DIPK1A: variants seen among roughly 807,000 people sequenced by gnomAD.
DIPK1A encodes the protein divergent protein kinase domain 1A.
DIPK1A carries 27 observed loss-of-function variants against 40.8 expected under a neutral mutation model. The ratio of observed to expected loss-of-function variants is 0.66; its 90% CI spans 0.49 to 0.91. The LOEUF (loss-of-function observed/expected upper bound fraction) is 0.91. Among genes scored for constraint, DIPK1A ranks in the 40% least tolerant of loss-of-function variants. The pLI is 0.00. For synonymous variants in DIPK1A, 166 were observed against 171.3 expected, an observed-to-expected ratio of 0.97 and a Z score of 0.24; for missense variants, 412 against 505.7, an observed-to-expected ratio of 0.81 and a Z score of 1.78.
In DIPK1A at chr1:92,851,542, C is replaced by CAAAAAAAAAAA. The variant is rs59664439; in HGVS notation, c.190-598_190-588dup. Among the ~76,000 whole-genome samples the CAAAAAAAAAAA allele has an allele frequency of 1.3e-3, 44 of 34,746 alleles. 3 individuals carry two copies. The highest frequency in any genetic ancestry group is 5.6e-3 in the South Asian group (2 of 356). 22.8% of individuals were successfully genotyped at this position (34,746 alleles called of 152,430 possible). A position where few individuals can be genotyped will look rare whatever the true frequency, so the allele number is the denominator to read the frequency against. ...TGGGTGAGAGAGTGAGACCCTATCT[C>CAAAAAAAAAAA]AAAAAAAAAAAAAAAAAAAACTTCT... On this transcript the variant is annotated intron_variant, in intron 2 of 4. Transcript: ENST00000370310.
chr1:92,866,952 AAAT>A (rs1292747440), intron 2 of DIPK1A, among the ~76,000 whole-genome samples: 1 of 152,168 alleles, frequency 6.6e-6, no homozygotes, highest in Non-Finnish European at 1.5e-5. Context: ...ACACCTGATT[AAAT>A]AATGTGTGTG....
At chr1:92,961,252 G>T (rs1218418755) in intron 1 of DIPK1A, 124 bp downstream of exon 1, 2 of 511,612 alleles carry the variant, frequency 3.9e-6, no homozygotes, top group African/African-American at 2.1e-5. Context: ...ACGGCAGGGG[G>T]CAGCGGGGTT....
chr1:92,908,361 G>T (rs545318569), intron 1 of DIPK1A, among the ~76,000 whole-genome samples: 1 of 152,282 alleles, frequency 6.6e-6, no homozygotes, highest in South Asian at 2.1e-4. Context: ...AAGACAAGCT[G>T]ATAAAAGAGA....
chr1:92,846,400 T>C (rs746583392), intron 4 of DIPK1A, among the ~76,000 whole-genome samples: 7 of 152,126 alleles, frequency 4.6e-5, no homozygotes, highest in Non-Finnish European at 8.8e-5. Context: ...GCGGTAATTT[T>C]GTATCTGTTA....
At chr1:92,889,723 C>G (rs1357243792) in intron 1 of DIPK1A, among the ~76,000 whole-genome samples, 1 of 152,102 alleles carries the variant, frequency 6.6e-6, no homozygotes, top group Non-Finnish European at 1.5e-5. Context: ...TCTCGACCCA[C>G]TGCAGCCTCT....
At chr1:92,863,755 T>C (rs1214292060) in intron 2 of DIPK1A, among the ~76,000 whole-genome samples, 1 of 151,996 alleles carries the variant, frequency 6.6e-6, no homozygotes, top group African/African-American at 2.4e-5. Context: ...GCTTGTACTT[T>C]AAAACAGTGT....
intron 4 of DIPK1A, among the ~76,000 whole-genome samples, chr1:92,845,229 G>C (rs1445035613): frequency 6.7e-6 from 1 of 149,876 alleles, no homozygotes; most frequent in Non-Finnish European, 1.5e-5. Flanking sequence ...TTACAGGCGT[G>C]AGCCACCGCG....
chr1:92,847,221 C>T lies in DIPK1A; in HGVS notation c.436G>A (p.Val146Ile), dbSNP rs981219397. Reference protein sequence around the residue: ...LFDKPTRGTTVQKFKEMVYSL... With the variant: ...LFDKPTRGTTIQKFKEMVYSL... ...TAGACCATTTCTTTAAATTTTTGTA[C>T]AGTAGTTCCTCTAGTTGGCTTATCA... The change falls in exon 4 of 5, where the codon GTA becomes ATA. Residue 146 changes from valine to isoleucine, a missense_variant. Coordinates refer to ENST00000370310, the MANE Select transcript of DIPK1A (RefSeq NM_001006605.5). 5.6e-6 allele frequency: 9 copies of T among 1,595,986 alleles called. No individual in the cohort carries two copies. Among genetic ancestry groups the T allele is most frequent in the African/African-American group, 1.3e-5 (1 of 74,472 alleles).
intron 1 of DIPK1A, among the ~76,000 whole-genome samples, chr1:92,914,245 A>G (rs1052682445): frequency 6.6e-6 from 1 of 151,916 alleles, no homozygotes. Context: ...TAAAGGAAAG[A>G]AAACATTTTA....
In DIPK1A at chr1:92,836,610, C is replaced by T. The variant is rs1184920628; in HGVS notation, c.475-3576G>A. On this transcript the variant is annotated intron_variant, in intron 4 of 4. Coordinates refer to the DIPK1A transcript ENST00000615519. Reference sequence around the variant, plus strand: ...CCAGAGTTATTTGTCCCAAGTTTTTCGGGCCAGTTATTGAAAGAGATGGGA... The same window carrying T: ...CCAGAGTTATTTGTCCCAAGTTTTTTGGGCCAGTTATTGAAAGAGATGGGA... 10 of 558,232 alleles carry T rather than the reference C, an allele frequency of 1.8e-5. 1 individual carries two copies. Among genetic ancestry groups the T allele is most frequent in the South Asian group, 1.0e-4 (5 of 49,674 alleles). 34.6% of individuals were successfully genotyped at this position (558,232 alleles called of 1,614,324 possible). A position where few individuals can be genotyped will look rare whatever the true frequency, so the allele number is the denominator to read the frequency against.
chr1:92,841,436 T>C (rs947442566), downstream of DIPK1A, among the ~76,000 whole-genome samples: 3 of 152,190 alleles, frequency 2.0e-5, no homozygotes, highest in Non-Finnish European at 2.9e-5. Flanking sequence ...TATTAATATA[T>C]AGTGCTGCAA....
chr1:92,945,469 A>G (rs150026176), intron 1 of DIPK1A, among the ~76,000 whole-genome samples: 18 of 152,264 alleles, frequency 1.2e-4, no homozygotes, highest in Admixed American at 1.2e-3. Context: ...CAGCAAGAAG[A>G]AAAAGTAGTC....
chr1:92,918,186 G>C (rs1338964829), intron 1 of DIPK1A, among the ~76,000 whole-genome samples: 1 of 151,776 alleles, frequency 6.6e-6, no homozygotes, highest in African/African-American at 2.4e-5. Context: ...GTCTCACTCT[G>C]TCGCCCAGGC....
At chr1:92,867,045 G>C (rs150666205) in intron 2 of DIPK1A, among the ~76,000 whole-genome samples, 2 of 152,112 alleles carry the variant, frequency 1.3e-5, no homozygotes, top group Admixed American at 6.6e-5. Flanking sequence ...CATTTACCAT[G>C]TGTCAGACAC....
chr1:92,857,876 AT>A (rs1466441094), intron 2 of DIPK1A, among the ~76,000 whole-genome samples: 1 of 152,102 alleles, frequency 6.6e-6, no homozygotes, highest in African/African-American at 2.4e-5. Context: ...AACCAGGATT[AT>A]TTATGTTGGA....
At chr1:92,862,659 C>T (rs1647332076) in intron 2 of DIPK1A, among the ~76,000 whole-genome samples, 1 of 152,184 alleles carries the variant, frequency 6.6e-6, no homozygotes, top group Non-Finnish European at 1.5e-5. Context: ...TAAATCGGAT[C>T]AGTCACTTCC....
At chr1:92,911,895 T>C (rs943824055) in intron 1 of DIPK1A, among the ~76,000 whole-genome samples, 2 of 149,518 alleles carry the variant, frequency 1.3e-5, no homozygotes, top group African/African-American at 5.0e-5. Context: ...TCCCAGCTAC[T>C]TGGGAGGCTA....
At chr1:92,837,723 GGT>G (rs1462929547), downstream of DIPK1A, 63 of 1,053,196 alleles carry the variant, frequency 6.0e-5, no homozygotes, top group Admixed American at 8.7e-4. Flanking sequence ...TTCTTATATA[GGT>G]GTGTTTCTTG....
At chr1:92,913,442 A>G (rs1649916941) in intron 1 of DIPK1A, among the ~76,000 whole-genome samples, 1 of 152,182 alleles carries the variant, frequency 6.6e-6, no homozygotes, top group Non-Finnish European at 1.5e-5. Context: ...TTCTGCTTCG[A>G]GAAGACAGAT....
Sources: allele counts gnomAD v4.1 joint callset (sites outside exome capture counted in the v4.1 genomes callset), GRCh38; gene constraint gnomAD v4.1.1; transcripts MANE v1.5; gene names NCBI Gene and HGNC (gene_info 2026-07-23, HGNC 2026-07-21).